The following HYOU1 variants were observed in gnomAD, a reference collection of about 807,000 sequenced individuals.
The protein encoded by HYOU1 is hypoxia up-regulated protein 1.
Under a neutral mutation model 120.5 loss-of-function variants are expected in HYOU1, and 40 were observed. The ratio of observed to expected loss-of-function variants is 0.33; its 90% confidence interval spans 0.26 to 0.43. The LOEUF is 0.43. Ranked by LOEUF, HYOU1 falls within the 20% of genes least tolerant of loss-of-function variation. The pLI is 1.00. For synonymous variants in HYOU1, 501 were observed against 479.4 expected, an observed-to-expected ratio of 1.05 and a Z score of -0.59; for missense variants, 1,085 against 1,278.3, an observed-to-expected ratio of 0.85 and a Z score of 2.31.
Position 119,045,458 on chromosome 11 carries a change from C to T in HYOU1, c.*135G>A, listed in dbSNP as rs1312915802. On this transcript the variant is annotated 3_prime_UTR_variant, in exon 26 of 26. Coordinates refer to ENST00000617285, the MANE Select transcript of HYOU1 (RefSeq NM_006389.5). ...GCTGTCCCTCCCTTCCCCTTCTCCA[C>T]ACCTCCAAATCACAGGGGTGAGAAA... 3.6e-6 allele frequency: 3 copies of T among 823,034 alleles called. No individual in the cohort carries two copies. Among genetic ancestry groups the T allele is most frequent in the East Asian group, 4.8e-5 (2 of 41,400 alleles). The allele number at this position is 823,034 out of a possible 1,614,324, so 51.0% of individuals were successfully genotyped here. A position where few individuals can be genotyped will look rare whatever the true frequency, so the allele number is the denominator to read the frequency against.
chr11:119,048,860 C>A lies in HYOU1; in HGVS notation c.2019G>T (p.Gly673=), dbSNP rs2133568006. 1.1e-5 allele frequency: 17 copies of A among 1,609,804 alleles called. No individual in the cohort carries two copies. The highest frequency in any genetic ancestry group is 1.4e-5 in the Non-Finnish European group (17 of 1,178,380). ...AQKPSEKAEA[G]PEGVAPAPEG... ...CTGGGGCTGGAGCGACGCCCTCAGG[C>A]CCTGCCTCTGCCTTCTCACTTGGTT... Residue 673 remains glycine, a synonymous_variant, in exon 18 of 26, where the codon GGG becomes GGT. Coordinates refer to ENST00000617285, the MANE Select transcript of HYOU1 (RefSeq NM_006389.5). The surrounding 1 kb of genome is among the most constrained non-coding windows in gnomAD (Gnocchi z 4.7).
rs2133563516 is a variant in HYOU1, at chr11:119,048,386, T to C, written c.2254-16A>G. 6.8e-6 allele frequency: 11 copies of C among 1,609,824 alleles called. No individual in the cohort carries two copies. Among genetic ancestry groups the C allele is most frequent in the African/African-American group, 2.7e-5 (2 of 74,904 alleles). On this transcript the variant is annotated splice_polypyrimidine_tract_variant and intron_variant, in intron 19 of 25. Coordinates refer to ENST00000617285, the MANE Select transcript of HYOU1 (RefSeq NM_006389.5). This position sits in a 1 kb window ranked among gnomAD's most constrained non-coding sequence, Gnocchi z 4.7. ...ACAGCTTGTCCTGGGGAGGGGGACA[T>C]GTAAACACATGCACCCACAAGCCCA... is the stretch of plus-strand genomic sequence containing the variant.
chr11:119,045,154 G>A lies in HYOU1; in HGVS notation c.*439C>T, dbSNP rs1315425092. 1 of 457,502 alleles carries A rather than the reference G, an allele frequency of 2.2e-6. No homozygotes were observed. Among genetic ancestry groups the A allele is most frequent in the South Asian group, 1.5e-5 (1 of 64,554 alleles). The allele number at this position is 457,502 out of a possible 1,614,324, so 28.3% of individuals were successfully genotyped here. A position where few individuals can be genotyped will look rare whatever the true frequency, so the allele number is the denominator to read the frequency against. ...GGTAACTGAGGCTCTGCAGACACTG[G>A]CCTGAAAGGATGCTCATCGCATGGT... On this transcript the variant is annotated 3_prime_UTR_variant, in exon 26 of 26. Transcript: ENST00000617285.
Position 119,052,340 on chromosome 11 carries a change from C to A in HYOU1, c.1077G>T (p.Val359=). 6.2e-7 allele frequency: 1 copy of A among 1,614,246 alleles called. No homozygotes were observed. The highest frequency in any genetic ancestry group is 8.5e-7 in the Non-Finnish European group (1 of 1,180,050). ...EELCADLFER[V]PGPVQQALQS... is the part of the protein sequence containing the mutation. The stretch of plus-strand genomic sequence containing the variant: ...GGAGGGCCTGCTGTACAGGCCCAGG[C>A]ACCCGCTCAAACAAGTCTGCACACA... Residue 359 remains valine (V), a synonymous_variant, in exon 10 of 26, where the codon GTG becomes GTT. Transcript: ENST00000617285. The surrounding 1 kb of genome is among the most constrained non-coding windows in gnomAD (Gnocchi z 5.0).
intron 14 of HYOU1, 46 bp from the exon 15 acceptor site, chr11:119,049,883 T>C: frequency 6.4e-7 from 1 of 1,559,586 alleles, no homozygotes; most frequent in Middle Eastern, 1.7e-4. Flanking sequence ...TAATCCACCT[T>C]TTCTCCACAA....
chr11:119,055,448 C>T lies in HYOU1; in HGVS notation c.264+45G>A. On this transcript the variant is annotated intron_variant, in intron 4 of 25. Transcript: ENST00000617285. This position sits in a 1 kb window ranked among gnomAD's most constrained non-coding sequence, Gnocchi z 4.0. ...AAACAGACTCTGGGGGCTGCCATCT[C>T]CTCTCCTCTGCCCACCACTCTGGGA... The T allele has an allele frequency of 6.2e-7, 1 of 1,607,604 alleles. No homozygotes were observed. Among genetic ancestry groups the T allele is most frequent in the Non-Finnish European group, 8.5e-7 (1 of 1,174,180 alleles).
In HYOU1 at chr11:119,045,223, A is replaced by C. The variant is rs782126124; in HGVS notation, c.*370T>G. 2 of 473,434 alleles carry C rather than the reference A, an allele frequency of 4.2e-6. No individual in the cohort carries two copies. The highest frequency in any genetic ancestry group is 8.5e-6 in the Non-Finnish European group (2 of 235,850). The allele number at this position is 473,434 out of a possible 1,614,324, so 29.3% of individuals were successfully genotyped here. On this transcript the variant is annotated 3_prime_UTR_variant, in exon 26 of 26. Coordinates refer to ENST00000617285, the MANE Select transcript of HYOU1 (RefSeq NM_006389.5). The stretch of plus-strand genomic sequence containing the variant: ...AGGAACAATCACCAGAGAAGAGTGG[A>C]AACTCCCCAGCAACCTGATACCCTT...
intron 2 of HYOU1, 39 bp downstream of exon 2, chr11:119,056,031 C>T: frequency 6.4e-7 from 1 of 1,557,740 alleles, no homozygotes; most frequent in South Asian, 1.1e-5. Context: ...ATCCTTCAGT[C>T]ATCATTTATC....
Position 119,052,264 on chromosome 11 carries a change from G to A in HYOU1, c.1122+31C>T, listed in dbSNP as rs2133591487. The A allele has an allele frequency of 8.8e-5, 142 of 1,613,990 alleles. No homozygotes were observed. Among genetic ancestry groups the A allele is most frequent in the South Asian group, 1.8e-4 (16 of 91,054 alleles). On this transcript the variant is annotated intron_variant, in intron 10 of 25. Transcript: ENST00000617285. The surrounding 1 kb of genome is among the most constrained non-coding windows in gnomAD (Gnocchi z 5.0). ...ATGGGTTTCCTATGCCCTTTCCTACGGGGCATTCCCGCCTTCCCCTACTCG... is the reference window on the plus strand; with the variant it reads ...ATGGGTTTCCTATGCCCTTTCCTACAGGGCATTCCCGCCTTCCCCTACTCG...
intron 22 of HYOU1, chr11:119,047,284 T>C (rs2133555933): frequency 5.0e-6 from 1 of 200,598 alleles, no homozygotes. Context: ...CTTGACCTGG[T>C]GATTCGCCCA....
intron 6 of HYOU1, 72 bp from the exon 7 acceptor site, chr11:119,054,747 T>C (rs1944652155): frequency 6.8e-7 from 1 of 1,481,222 alleles, no homozygotes; most frequent in South Asian, 1.2e-5. Context: ...TGGTCACTAA[T>C]GACATTTTGG....
At chr11:119,054,361 G>C (rs146497490) in intron 7 of HYOU1, 125 bp from the exon 8 acceptor site, 4 of 1,192,354 alleles carry the variant, frequency 3.4e-6, no homozygotes, top group African/African-American at 3.0e-5. Context: ...TCCAACAGGG[G>C]CTGGGAGGAG....
At chr11:119,049,684 T>A in intron 15 of HYOU1, 49 bp from the exon 16 acceptor site, 1 of 1,609,810 alleles carries the variant, frequency 6.2e-7, no homozygotes, top group Non-Finnish European at 8.5e-7. Context: ...CAGCAGTGAC[T>A]CCACCTTCTA....
chr11:119,054,284 G>C (rs201255791), intron 7 of HYOU1, 48 bp from the exon 8 acceptor site: 3 of 1,490,830 alleles, frequency 2.0e-6, no homozygotes, highest in Admixed American at 1.7e-5. Flanking sequence ...TCAAACTCCA[G>C]GGGGCCTGCC....
chr11:119,051,324 C>T lies in HYOU1; in HGVS notation c.1526+114G>A. 6.7e-7 allele frequency: 1 copy of T among 1,485,006 alleles called. No homozygotes were observed. Among genetic ancestry groups the T allele is most frequent in the South Asian group, 1.2e-5 (1 of 81,046 alleles). 92.0% of individuals were successfully genotyped at this position (1,485,006 alleles called of 1,614,324 possible). A position where few individuals can be genotyped will look rare whatever the true frequency, so the allele number is the denominator to read the frequency against. On this transcript the variant is annotated intron_variant, in intron 13 of 25. Coordinates refer to ENST00000617285, the MANE Select transcript of HYOU1 (RefSeq NM_006389.5). This position sits in a 1 kb window ranked among gnomAD's most constrained non-coding sequence, Gnocchi z 4.2. ...CATTCTCCAGCGAAGCTGATCATAG[C>T]TGCCCTGTTTCAGCCCCGCAGGCCC...
Position 119,051,728 on chromosome 11 carries a change from G to A in HYOU1, c.1338+91C>T. 6.3e-6 allele frequency: 10 copies of A among 1,598,002 alleles called. No individual in the cohort carries two copies. Among genetic ancestry groups the A allele is most frequent in the South Asian group, 5.6e-5 (5 of 90,024 alleles). On this transcript the variant is annotated intron_variant, in intron 12 of 25. Transcript: ENST00000617285. This position sits in a 1 kb window ranked among gnomAD's most constrained non-coding sequence, Gnocchi z 4.2. ...GATGGGGGAGACCTCTTAGCAGAAA[G>A]ACAAAGGGATGAGCCAGAGCAGACA...
chr11:119,049,881 C>T (rs1944320027), intron 14 of HYOU1, 44 bp from the exon 15 acceptor site: 1 of 1,561,068 alleles, frequency 6.4e-7, no homozygotes, highest in Non-Finnish European at 8.8e-7. Context: ...GCTAATCCAC[C>T]TTTTCTCCAC....
intron 22 of HYOU1, 92 bp downstream of exon 22, chr11:119,047,642 G>A: frequency 9.6e-7 from 1 of 1,046,776 alleles, no homozygotes; most frequent in Non-Finnish European, 1.5e-6. Flanking sequence ...TAAGCCAGGA[G>A]GCAGGGGCTG....
In HYOU1 at chr11:119,055,282, C is replaced by T. The variant is rs1221988631; in HGVS notation, c.322G>A (p.Ala108Thr). 2.5e-6 allele frequency: 4 copies of T among 1,614,068 alleles called. No homozygotes were observed. The highest frequency in any genetic ancestry group is 3.4e-6 in the Non-Finnish European group (4 of 1,179,976). ...RYFQHLLGKQ[A>T]DNPHVALYQA... The stretch of plus-strand genomic sequence containing the variant: ...TAAAGAGCTACATGGGGGTTATCTG[C>T]CTGCTTCCCCAGGAGGTGCTGGAAG... Residue 108 changes from alanine (A) to threonine (T), a missense_variant, in exon 5 of 26, where the codon GCA (alanine) becomes ACA (threonine). Ala to Thr is a moderately conservative substitution (Grantham distance 58). Transcript: ENST00000617285. The surrounding 1 kb of genome is among the most constrained non-coding windows in gnomAD (Gnocchi z 4.0).
Sources: allele counts gnomAD v4.1 joint callset, GRCh38; gene constraint gnomAD v4.1.1; non-coding constraint Gnocchi (gnomAD v3.1); transcripts MANE v1.5; gene names NCBI Gene and HGNC (gene_info 2026-07-23, HGNC 2026-07-21).